Variants in PRKCB observed in about 807,000 individuals in gnomAD.
PRKCB encodes protein kinase C beta type.
A neutral mutation model predicts 81.5 loss-of-function variants in PRKCB; 13 were observed. The ratio of observed to expected loss-of-function variants is 0.16; its 90% CI spans 0.10 to 0.25. The LOEUF is 0.25. Ranked by LOEUF, PRKCB falls within the 10% of genes least tolerant of loss-of-function variation. PRKCB has a pLI of 1.00. For missense variants in PRKCB, 509 were observed against 875.7 expected (o/e 0.58, Z 5.29); for synonymous variants, 335 against 321.4 (o/e 1.04, Z -0.45).
At chr16:24,130,416 A>G (rs1966851684) in intron 9 of PRKCB, among the ~76,000 whole-genome samples, 1 of 152,168 alleles carries the variant, frequency 6.6e-6, no homozygotes, top group Non-Finnish European at 1.5e-5. Context: ...AACTATGCAA[A>G]GAGGGGAAAT....
At chr16:23,999,249 G>A (rs779600580) in intron 3 of PRKCB, among the ~76,000 whole-genome samples, 1 of 152,332 alleles carries the variant, frequency 6.6e-6, no homozygotes. Flanking sequence ...CAGCAAGTTC[G>A]TGAAGCAGAA....
chr16:24,085,295 G>A (rs566741159), intron 5 of PRKCB, among the ~76,000 whole-genome samples: 9 of 152,202 alleles, frequency 5.9e-5, no homozygotes, highest in South Asian at 2.1e-4. Flanking sequence ...TGGATGATAC[G>A]TTTGACTTCA....
chr16:23,938,323 A>G (rs755944306), intron 2 of PRKCB, among the ~76,000 whole-genome samples: 1 of 152,234 alleles, frequency 6.6e-6, no homozygotes, highest in Non-Finnish European at 1.5e-5. Context: ...TCAGATATAA[A>G]AAGGCACTGC....
At chr16:23,905,288 A>G (rs986693286) in intron 2 of PRKCB, among the ~76,000 whole-genome samples, 1 of 152,150 alleles carries the variant, frequency 6.6e-6, no homozygotes, top group African/African-American at 2.4e-5. Flanking sequence ...CGTTAAATAA[A>G]TAACAACACA....
At chr16:23,882,079 CT>C (rs59918178) in intron 2 of PRKCB, among the ~76,000 whole-genome samples, 15,752 of 87,470 alleles carry the variant, frequency 0.18, 3,218 homozygotes, top group Middle Eastern at 0.28. Context: ...TCTTTCTTTC[CT>C]TTTTTTTTTT....
intron 2 of PRKCB, among the ~76,000 whole-genome samples, chr16:23,976,672 GA>G (rs1964631780): frequency 6.6e-6 from 1 of 152,208 alleles, no homozygotes; most frequent in African/African-American, 2.4e-5. Context: ...TCTGCTGCTG[GA>G]TATGGCTGGT....
At chr16:24,123,720 A>T in intron 8 of PRKCB, 115 bp from the exon 9 acceptor site, 1 of 1,096,526 alleles carries the variant, frequency 9.1e-7, no homozygotes, top group Non-Finnish European at 1.3e-6. Flanking sequence ...TATGCTTTTC[A>T]TGGGGACAGG....
chr16:24,007,199 C>T (rs1034765573), intron 3 of PRKCB, among the ~76,000 whole-genome samples: 3 of 152,156 alleles, frequency 2.0e-5, no homozygotes, highest in Non-Finnish European at 4.4e-5. Context: ...ATAGGGTCCA[C>T]GTGAGGATTA....
chr16:24,129,340 C>CTATA (rs1322681339), intron 9 of PRKCB, among the ~76,000 whole-genome samples: 2 of 151,946 alleles, frequency 1.3e-5, no homozygotes, highest in African/African-American at 4.8e-5. Flanking sequence ...AGCTGGTGTG[C>CTATA]TATAGTGGAC....
intron 3 of PRKCB, among the ~76,000 whole-genome samples, chr16:24,028,496 T>A (rs1256294114): frequency 6.6e-6 from 1 of 152,242 alleles, no homozygotes; most frequent in Non-Finnish European, 1.5e-5. Flanking sequence ...TTTAGTTAAT[T>A]CCCTATCCAC....
intron 3 of PRKCB, among the ~76,000 whole-genome samples, chr16:24,021,360 TC>T: frequency 1.6e-5 from 1 of 64,078 alleles, no homozygotes; most frequent in Non-Finnish European, 2.6e-5. Flanking sequence ...CCTTCCTCCT[TC>T]CCTCCCTCCC....
intron 5 of PRKCB, among the ~76,000 whole-genome samples, chr16:24,064,372 A>G (rs529632801): frequency 6.6e-6 from 1 of 152,194 alleles, no homozygotes; most frequent in South Asian, 2.1e-4. Flanking sequence ...AATTTTCATG[A>G]TGATTTTTCC....
chr16:24,099,283 C>G (rs1158137707), intron 7 of PRKCB: 1 of 152,164 alleles, frequency 6.6e-6, no homozygotes, highest in East Asian at 1.9e-4. Context: ...CTCCTGGTGA[C>G]CGAGGAGAAG....
At chr16:24,043,949 A>G (rs1170833074) in intron 5 of PRKCB, among the ~76,000 whole-genome samples, 1 of 152,206 alleles carries the variant, frequency 6.6e-6, no homozygotes, top group Non-Finnish European at 1.5e-5. Flanking sequence ...CCAGCGTGCA[A>G]AGAAATAAAA....
chr16:23,981,600 CTTCCCTTTCCT>C (rs199914839), intron 2 of PRKCB, among the ~76,000 whole-genome samples: 1 of 149,602 alleles, frequency 6.7e-6, no homozygotes, highest in Admixed American at 6.7e-5. Flanking sequence ...CTTCCCTTCC[CTTCCCTTTCCT>C]TTCCCTTTCC....
chr16:23,866,837 A>G (rs1962798038), intron 2 of PRKCB, among the ~76,000 whole-genome samples: 1 of 152,122 alleles, frequency 6.6e-6, no homozygotes, highest in Admixed American at 6.6e-5. Flanking sequence ...AGACCATGAT[A>G]TTATCAGGCC....
intron 10 of PRKCB, among the ~76,000 whole-genome samples, chr16:24,161,592 A>C (rs1967258370): frequency 6.6e-6 from 1 of 152,214 alleles, no homozygotes; most frequent in Admixed American, 6.5e-5. Flanking sequence ...GAGTTTTCAG[A>C]GATTTGCTCA....
intron 12 of PRKCB, among the ~76,000 whole-genome samples, chr16:24,175,971 CAAA>C (rs34578906): frequency 1.9e-3 from 94 of 49,856 alleles, no homozygotes; most frequent in African/African-American, 7.0e-3. Context: ...GACCCTGTCT[CAAA>C]AAAAAAAAAA....
At chr16:24,146,781 G>A (rs183726545) in intron 9 of PRKCB, among the ~76,000 whole-genome samples, 6 of 152,208 alleles carry the variant, frequency 3.9e-5, no homozygotes, top group East Asian at 1.9e-4. Flanking sequence ...TGATAAGAAC[G>A]TCACTTCAAC....
Sources: gnomAD v4.1 joint callset for allele counts (sites outside exome capture counted in the v4.1 genomes callset) on GRCh38, gnomAD v4.1.1 for gene constraint, MANE v1.5 for transcripts, NCBI Gene and HGNC (gene_info 2026-07-23, HGNC 2026-07-21) for gene names.